The following SLC39A10 variants were observed in gnomAD, a reference collection of about 807,000 sequenced individuals.
SLC39A10 encodes solute carrier family 39 member 10.
SLC39A10 carries 13 observed loss-of-function variants against 65.1 expected under a neutral mutation model. The ratio of observed to expected loss-of-function variants is 0.20; its 90% confidence interval spans 0.13 to 0.32. The LOEUF is 0.32. Ranked by LOEUF, SLC39A10 falls within the 10% of genes least tolerant of loss-of-function variation. SLC39A10 has a pLI of 1.00. For synonymous variants in SLC39A10, 321 were observed against 342.2 expected, an observed-to-expected ratio of 0.94 and a Z score of 0.68; for missense variants, 831 against 1,018.4, an observed-to-expected ratio of 0.82 and a Z score of 2.50.
intron 8 of SLC39A10, among the ~76,000 whole-genome samples, chr2:195,725,866 T>A (rs983108242): frequency 6.6e-6 from 1 of 152,180 alleles, no homozygotes; most frequent in Non-Finnish European, 1.5e-5. Flanking sequence ...GACTACATAC[T>A]GTGTGCTTCC....
At chr2:195,661,827 C>T (rs1689410345) in intron 1 of SLC39A10, among the ~76,000 whole-genome samples, 1 of 152,096 alleles carries the variant, frequency 6.6e-6, no homozygotes, top group Non-Finnish European at 1.5e-5. Context: ...AAATCTTGCT[C>T]AGGTAGTGTT....
In SLC39A10 at chr2:195,736,915, T is replaced by C. The variant is rs963484603; in HGVS notation, c.*1874T>C. 1.3e-5 allele frequency: 2 copies of C among 152,604 alleles called. No homozygotes were observed. Among genetic ancestry groups the C allele is most frequent in the African/African-American group, 4.8e-5 (2 of 41,440 alleles). 9.5% of individuals were successfully genotyped at this position (152,604 alleles called of 1,614,324 possible). On this transcript the variant is annotated 3_prime_UTR_variant, in exon 10 of 10. Coordinates refer to ENST00000359634, the MANE Select transcript of SLC39A10 (RefSeq NM_020342.3). ...ATCTAGATTTCTGAACCAAGATATA[T>C]TTATAGTTCACTTTTGGGTTTTTAT...
upstream of SLC39A10, among the ~76,000 whole-genome samples, chr2:195,654,032 A>C (rs1291737865): frequency 3.3e-5 from 5 of 152,064 alleles, no homozygotes; most frequent in Non-Finnish European, 7.4e-5. Context: ...TCCACCTCCC[A>C]GGTTCAAGCG....
chr2:195,654,718 T>A (rs1041117426), upstream of SLC39A10, among the ~76,000 whole-genome samples: 3 of 152,180 alleles, frequency 2.0e-5, no homozygotes, highest in Non-Finnish European at 2.9e-5. Flanking sequence ...GATTATAACA[T>A]ATTAGAAAGT....
chr2:195,620,534 ATCT>A (rs141867859), intron 2 of SLC39A10, among the ~76,000 whole-genome samples: 11,036 of 151,996 alleles, frequency 0.073, 605 homozygotes, highest in East Asian at 0.23. Context: ...ACTTTGTGAA[ATCT>A]TCTGCTTGTG....
intron 3 of SLC39A10, among the ~76,000 whole-genome samples, chr2:195,690,172 T>TAA (rs1690675334): frequency 2.9e-4 from 2 of 6,958 alleles, no homozygotes; most frequent in Non-Finnish European, 4.0e-4. Context: ...TGAGACTCTC[T>TAA]GAAAAAAAAA....
chr2:195,653,898 GA>G (rs1689090117), upstream of SLC39A10, among the ~76,000 whole-genome samples: 1 of 152,168 alleles, frequency 6.6e-6, no homozygotes, highest in Non-Finnish European at 1.5e-5. Context: ...AAGTGAGTTT[GA>G]AAGGCCTGAT....
chr2:195,709,085 T>C (rs1233586461), intron 5 of SLC39A10, among the ~76,000 whole-genome samples: 1 of 152,128 alleles, frequency 6.6e-6, no homozygotes, highest in East Asian at 1.9e-4. Context: ...AATGCAGTGT[T>C]GTGATCATGG....
intron 8 of SLC39A10, among the ~76,000 whole-genome samples, chr2:195,720,482 A>T (rs1691990955): frequency 6.6e-6 from 1 of 152,202 alleles, no homozygotes; most frequent in Non-Finnish European, 1.5e-5. Flanking sequence ...GGATTTCTTC[A>T]TGTGTTTTCT....
chr2:195,736,289 G>C lies in SLC39A10; in HGVS notation c.*1248G>C, dbSNP rs569256171. The C allele has an allele frequency of 5.0e-5, 8 of 161,308 alleles. No individual in the cohort carries two copies. The highest frequency in any genetic ancestry group is 4.6e-4 in the Admixed American group (7 of 15,304). The allele number at this position is 161,308 out of a possible 1,614,324, so 10.0% of individuals were successfully genotyped here. A position where few individuals can be genotyped will look rare whatever the true frequency, so the allele number is the denominator to read the frequency against. Reference sequence around the variant, plus strand: ...TACCATAATTGTGAATGATTTGTGAGAAGTGCAAGCCATGTTTATCCTGAA... The same window carrying C: ...TACCATAATTGTGAATGATTTGTGACAAGTGCAAGCCATGTTTATCCTGAA... On this transcript the variant is annotated 3_prime_UTR_variant, in exon 10 of 10. Transcript: ENST00000359634.
At chr2:195,651,168 C>G (rs1345716528) in intron 2 of SLC39A10, among the ~76,000 whole-genome samples, 1 of 151,918 alleles carries the variant, frequency 6.6e-6, no homozygotes, top group Non-Finnish European at 1.5e-5. Flanking sequence ...CCCATTTATC[C>G]TACCTTAGTC....
rs116319573 is a variant in SLC39A10, at chr2:195,708,364, C to T, written c.1387-292C>T. ...CATGTTCACTTCAATTTACAAAGAA[C>T]CCATCACTCCCTATTGTTACTTCTG... On this transcript the variant is annotated intron_variant, in intron 4 of 9. Coordinates refer to ENST00000359634, the MANE Select transcript of SLC39A10 (RefSeq NM_020342.3). 8.5e-3 allele frequency among the ~76,000 whole-genome samples: 1,298 copies of T among 152,282 alleles called. 15 individuals carry two copies. The highest frequency in any genetic ancestry group is 0.03 in the African/African-American group (1,254 of 41,562).
At chr2:195,724,616 C>T (rs941261612) in intron 8 of SLC39A10, among the ~76,000 whole-genome samples, 1 of 151,998 alleles carries the variant, frequency 6.6e-6, no homozygotes, top group African/African-American at 2.4e-5. Flanking sequence ...TAATATTTAG[C>T]TTAAATCTAA....
At chr2:195,731,253 G>A (rs960353694) in intron 9 of SLC39A10, among the ~76,000 whole-genome samples, 11 of 152,070 alleles carry the variant, frequency 7.2e-5, no homozygotes, top group Non-Finnish European at 1.5e-4. Flanking sequence ...CTCTCCCTGA[G>A]GGACATTCTG....
chr2:195,656,156 C>G (rs1434214042), upstream of SLC39A10, among the ~76,000 whole-genome samples: 1 of 152,160 alleles, frequency 6.6e-6, no homozygotes, highest in East Asian at 1.9e-4. Context: ...CCCCAGAACT[C>G]GCTGTGTTAA....
At chr2:195,665,274 G>A (rs900625221) in intron 1 of SLC39A10, among the ~76,000 whole-genome samples, 5 of 152,226 alleles carry the variant, frequency 3.3e-5, no homozygotes, top group South Asian at 2.1e-4. Flanking sequence ...CAGAGATTGC[G>A]CCATTGCACT....
chr2:195,696,164 G>T (rs529716718), intron 3 of SLC39A10, among the ~76,000 whole-genome samples: 1 of 152,146 alleles, frequency 6.6e-6, no homozygotes, highest in African/African-American at 2.4e-5. Flanking sequence ...TGCCGTTACT[G>T]AACTGTTTTG....
intron 2 of SLC39A10, among the ~76,000 whole-genome samples, chr2:195,650,920 A>T (rs1373658581): frequency 0.15 from 7 of 46 alleles, no homozygotes; most frequent in Admixed American, 0.5. Context: ...AAGGAGTTTA[A>T]AAAAAAAAAA....
At chr2:195,710,649 T>A (rs754928030) in intron 5 of SLC39A10, among the ~76,000 whole-genome samples, 64 of 152,250 alleles carry the variant, frequency 4.2e-4, no homozygotes, top group Non-Finnish European at 8.1e-4. Context: ...ATCTGTATTT[T>A]CGTATCTTAT....
Sources: gnomAD v4.1 joint callset for allele counts (sites outside exome capture counted in the v4.1 genomes callset) on GRCh38, gnomAD v4.1.1 for gene constraint, MANE v1.5 for transcripts, NCBI Gene and HGNC (gene_info 2026-07-23, HGNC 2026-07-21) for gene names.